Variants in ABCG1 observed in about 807,000 individuals in gnomAD.
The protein encoded by ABCG1 is ATP-binding cassette sub-family G member 1.
Under a neutral mutation model 69.2 loss-of-function variants are expected in ABCG1, and 29 were observed. The ratio of observed to expected loss-of-function variants is 0.42; its 90% CI spans 0.31 to 0.57. The LOEUF (loss-of-function observed/expected upper bound fraction) is 0.57, where lower values mean the gene tolerates loss of function less well. Among genes scored for constraint, ABCG1 ranks in the 20% least tolerant of loss-of-function variants. The pLI, the probability that ABCG1 is intolerant of heterozygous loss-of-function variation, is 0.15. For missense variants in ABCG1, 718 were observed against 898.1 expected (o/e 0.80, Z 2.56); for synonymous variants, 370 against 374.8 (o/e 0.99, Z 0.15).
intron 2 of ABCG1, among the ~76,000 whole-genome samples, chr21:42,234,788 G>A (rs2067952753): frequency 6.6e-6 from 1 of 151,968 alleles, no homozygotes; most frequent in South Asian, 2.1e-4. Flanking sequence ...GGAGAAAACA[G>A]CGCTGCCGGA....
At chr21:42,266,575 C>A (rs1280150515) in intron 2 of ABCG1, among the ~76,000 whole-genome samples, 2 of 152,170 alleles carry the variant, frequency 1.3e-5, no homozygotes, top group Non-Finnish European at 2.9e-5. Flanking sequence ...AGGTCTGCGG[C>A]TCCAAGGGCA....
intron 1 of ABCG1, among the ~76,000 whole-genome samples, chr21:42,200,335 TG>T (rs1266060267): frequency 6.6e-6 from 1 of 152,192 alleles, no homozygotes; most frequent in Non-Finnish European, 1.5e-5. Context: ...GAGAAGCCTT[TG>T]GGTACATCCC....
intron 5 of ABCG1, among the ~76,000 whole-genome samples, chr21:42,278,353 G>A (rs796433942): frequency 2.0e-5 from 3 of 152,294 alleles, no homozygotes; most frequent in African/African-American, 7.2e-5. Flanking sequence ...TATGGAAGAT[G>A]AGTGTTATGG....
Position 42,290,176 on chromosome 21 carries a change from C to T in ABCG1, c.1351C>T (p.Leu451=). ...CTCCGGCTTCCTCTTCTTCTCCATG[C>T]TGTTCCTCATGTTCGCGGCCCTCAT... ...SNSGFLFFSM[L]FLMFAALMPT... The change falls in exon 11 of 15, where the codon CTG becomes TTG. Residue 451 remains leucine, a synonymous_variant. Coordinates refer to ENST00000398449, the MANE Select transcript of ABCG1 (RefSeq NM_016818.3). The T allele has an allele frequency of 6.2e-7, 1 of 1,614,178 alleles. No individual in the cohort carries two copies. Among genetic ancestry groups the T allele is most frequent in the South Asian group, 1.1e-5 (1 of 91,082 alleles).
chr21:42,271,646 C>A (rs2068619943), intron 3 of ABCG1, among the ~76,000 whole-genome samples: 1 of 152,156 alleles, frequency 6.6e-6, no homozygotes, highest in Non-Finnish European at 1.5e-5. Context: ...CTTTGGGAGG[C>A]CGAGGTGGGC....
intron 2 of ABCG1, among the ~76,000 whole-genome samples, chr21:42,226,441 C>T (rs998579918): frequency 3.9e-5 from 6 of 152,150 alleles, no homozygotes; most frequent in African/African-American, 1.4e-4. Context: ...AGAGCTGATA[C>T]ATAAAAATAG....
At chr21:42,277,051 T>G in intron 5 of ABCG1, 106 bp downstream of exon 5, 1 of 1,261,616 alleles carries the variant, frequency 7.9e-7, no homozygotes, top group Non-Finnish European at 1.2e-6. Context: ...TTTGTTGATT[T>G]GTTTTTGCCT....
chr21:42,219,958 C>G lies in ABCG1; in HGVS notation c.42+654C>G. The stretch of plus-strand genomic sequence containing the variant: ...TCTGCGCGCGCCGGAGAGAGAGACG[C>G]GGTGGGGACAGGGATGCGCATTTCA... On this transcript the variant is annotated intron_variant, in intron 1 of 14. Coordinates refer to ENST00000398449, the MANE Select transcript of ABCG1 (RefSeq NM_016818.3). The surrounding 1 kb of genome is among the most constrained non-coding windows in gnomAD (Gnocchi z 5.3). 6.4e-7 allele frequency: 1 copy of G among 1,551,776 alleles called. No individual in the cohort carries two copies. Among genetic ancestry groups the G allele is most frequent in the East Asian group, 2.4e-5 (1 of 40,930 alleles).
At chr21:42,251,172 G>A (rs974721885) in intron 2 of ABCG1, among the ~76,000 whole-genome samples, 3 of 152,168 alleles carry the variant, frequency 2.0e-5, no homozygotes, top group African/African-American at 7.2e-5. Context: ...AGGCCCTACT[G>A]TTTTGACTCT....
intron 2 of ABCG1, among the ~76,000 whole-genome samples, chr21:42,233,048 A>G (rs2067923400): frequency 6.6e-6 from 1 of 152,234 alleles, no homozygotes; most frequent in Non-Finnish European, 1.5e-5. Context: ...CTCAAATACA[A>G]TGTACCCAGT....
chr21:42,285,699 T>G (rs76900332), intron 7 of ABCG1, among the ~76,000 whole-genome samples, 181 bp from the exon 8 acceptor site: 1 of 152,196 alleles, frequency 6.6e-6, no homozygotes, highest in East Asian at 1.9e-4. Flanking sequence ...TTATCGTGGC[T>G]TTCCCTTCAG....
At chr21:42,249,726 C>A (rs2068188882) in intron 2 of ABCG1, among the ~76,000 whole-genome samples, 1 of 152,040 alleles carries the variant, frequency 6.6e-6, no homozygotes, top group Admixed American at 6.6e-5. Flanking sequence ...AGAGGGAGGG[C>A]CAGGCGCAGT....
At chr21:42,219,036 A>C (rs986860933), upstream of ABCG1, 1 of 247,338 alleles carries the variant, frequency 4.0e-6, no homozygotes, top group Admixed American at 5.6e-5. This position sits in a 1 kb window ranked among gnomAD's most constrained non-coding sequence, Gnocchi z 5.3. Flanking sequence ...GCAAAACAAG[A>C]GCACGCGCAC....
intron 14 of ABCG1, among the ~76,000 whole-genome samples, chr21:42,295,545 C>T (rs576849721): frequency 1.2e-3 from 186 of 152,274 alleles, no homozygotes; most frequent in African/African-American, 4.4e-3. Context: ...GCCCATCTTC[C>T]GAGCTGCAGA....
At chr21:42,293,331 C>G in intron 13 of ABCG1, among the ~76,000 whole-genome samples, 1 of 141,890 alleles carries the variant, frequency 7.0e-6, no homozygotes, top group East Asian at 2.2e-4. Flanking sequence ...ACACTACACA[C>G]CACACTACAC....
chr21:42,279,181 G>A (rs1454238501), intron 5 of ABCG1, among the ~76,000 whole-genome samples: 2 of 152,036 alleles, frequency 1.3e-5, no homozygotes, highest in Admixed American at 6.5e-5. Context: ...GCTGAGGGGC[G>A]GCTGTGGGGG....
At position 42,219,784 on chromosome 21, in the gene ABCG1, G is replaced by C. The variant is rs899191784; in HGVS notation, c.42+480G>C. 2.8e-6 allele frequency: 4 copies of C among 1,418,224 alleles called. No individual in the cohort carries two copies. The highest frequency in any genetic ancestry group is 2.8e-5 in the Admixed American group (1 of 35,288). The allele number at this position is 1,418,224 out of a possible 1,614,324, so 87.9% of individuals were successfully genotyped here. Reference sequence around the variant, plus strand: ...TCCCCAGGAACGCCAGGCAAGGTCTGGGGGAACAAAAGAGGAAGCTGCCCC... The same window carrying C: ...TCCCCAGGAACGCCAGGCAAGGTCTCGGGGAACAAAAGAGGAAGCTGCCCC... On this transcript the variant is annotated intron_variant, in intron 1 of 14. Transcript: ENST00000398449. The surrounding 1 kb of genome is among the most constrained non-coding windows in gnomAD (Gnocchi z 5.3).
intron 2 of ABCG1, among the ~76,000 whole-genome samples, chr21:42,250,568 G>A (rs1309579036): frequency 1.3e-5 from 2 of 152,194 alleles, no homozygotes; most frequent in Admixed American, 6.5e-5. Context: ...ATGAGTCAGG[G>A]GCCACCCATG....
At chr21:42,281,641 A>G (rs750461454) in intron 5 of ABCG1, among the ~76,000 whole-genome samples, 1 of 152,108 alleles carries the variant, frequency 6.6e-6, no homozygotes, top group Non-Finnish European at 1.5e-5. Context: ...CTTGCTTTCA[A>G]GTCAAACCTA....
Sources: allele counts gnomAD v4.1 joint callset (sites outside exome capture counted in the v4.1 genomes callset), GRCh38; gene constraint gnomAD v4.1.1; non-coding constraint Gnocchi (gnomAD v3.1); transcripts MANE v1.5; gene names NCBI Gene and HGNC (gene_info 2026-07-23, HGNC 2026-07-21).